SERINC1: variants seen among roughly 807,000 people sequenced by gnomAD.
SERINC1 encodes tumor differentially expressed protein 2.
SERINC1 carries 38 observed loss-of-function variants against 52.9 expected under a neutral mutation model. The ratio of observed to expected loss-of-function variants is 0.72; its 90% CI spans 0.55 to 0.94. The LOEUF (loss-of-function observed/expected upper bound fraction) is 0.94, where lower values mean the gene tolerates loss of function less well. Among genes scored for constraint, SERINC1 ranks in the 40% least tolerant of loss-of-function variants. The pLI is 0.00. For synonymous variants in SERINC1, 198 were observed against 183.1 expected, an observed-to-expected ratio of 1.08 and a Z score of -0.66; for missense variants, 471 against 533.9, an observed-to-expected ratio of 0.88 and a Z score of 1.16.
intron 1 of SERINC1, among the ~76,000 whole-genome samples, chr6:122,466,225 G>T (rs1775189116): frequency 6.6e-6 from 1 of 152,174 alleles, no homozygotes; most frequent in African/African-American, 2.4e-5. Context: ...TCCATCCCGG[G>T]CAACAAAGCA....
chr6:122,454,031 G>T, intron 4 of SERINC1, 120 bp downstream of exon 4: 1 of 1,196,878 alleles, frequency 8.4e-7, no homozygotes, highest in Non-Finnish European at 1.2e-6. Flanking sequence ...TTGCCAACTG[G>T]GGAAACACAC....
At chr6:122,465,566 A>G (rs1430475639) in intron 1 of SERINC1, among the ~76,000 whole-genome samples, 2 of 152,222 alleles carry the variant, frequency 1.3e-5, no homozygotes, top group African/African-American at 4.8e-5. Context: ...CCCTGGATCT[A>G]TCAATAGCCC....
chr6:122,471,496 C>T (rs1270055892), intron 1 of SERINC1, among the ~76,000 whole-genome samples: 1 of 152,192 alleles, frequency 6.6e-6, no homozygotes, highest in Non-Finnish European at 1.5e-5. Context: ...AACCTTACGG[C>T]CAGTGATCAG....
chr6:122,446,060 A>C (rs1774794810), intron 9 of SERINC1, among the ~76,000 whole-genome samples: 1 of 151,994 alleles, frequency 6.6e-6, no homozygotes, highest in African/African-American at 2.4e-5. Flanking sequence ...GCCGCCTTAC[A>C]ATTTGTTTAT....
chr6:122,454,791 A>G (rs1406958329), intron 3 of SERINC1, among the ~76,000 whole-genome samples: 2 of 152,000 alleles, frequency 1.3e-5, no homozygotes, highest in Non-Finnish European at 2.9e-5. Flanking sequence ...AAGGGAATAC[A>G]CAATGGGTAG....
chr6:122,456,504 A>T lies in SERINC1; in HGVS notation c.348T>A (p.Asp116Glu), dbSNP rs764168150. 6.9e-6 allele frequency: 11 copies of T among 1,602,078 alleles called. No homozygotes were observed. The South Asian group carries it at 1.1e-4, about 17-fold the overall frequency. The change falls in exon 3 of 10, where the codon GAT becomes GAA. Residue 116 changes from aspartate (D) to glutamate (E), a missense_variant. Physicochemically the swap from Asp to Glu is conservative, Grantham distance 45. Transcript: ENST00000339697. ...ACCCATTGTGCACTGCAGCTCTAGG[A>T]TCACTGCTACTCTTCACTTTGATCA... The part of the protein sequence containing the change: ...LLMIKVKSSS[D>E]PRAAVHNGFW...
chr6:122,451,355 A>G (rs1187713723), intron 7 of SERINC1, among the ~76,000 whole-genome samples: 1 of 152,190 alleles, frequency 6.6e-6, no homozygotes, highest in Admixed American at 6.5e-5. Flanking sequence ...ACAACAGACT[A>G]GTGTAAGATA....
At position 122,445,883 on chromosome 6, in the gene SERINC1, C is replaced by CAAAAAAAAAAAAAAAAAAAAA. The variant is rs71018202; in HGVS notation, c.1227-705_1227-704insTTTTTTTTTTTTTTTTTTTTT. 4.1e-4 allele frequency among the ~76,000 whole-genome samples: 26 copies of CAAAAAAAAAAAAAAAAAAAAA among 62,782 alleles called. 1 individual carries two copies. Among genetic ancestry groups the CAAAAAAAAAAAAAAAAAAAAA allele is most frequent in the Admixed American group, 7.5e-4 (3 of 3,998 alleles). The allele number at this position is 62,782 out of a possible 152,430, so 41.2% of individuals were successfully genotyped here. ...TGGGTGACAGAGCAAGACTCCATTT[C>CAAAAAAAAAAAAAAAAAAAAA]AAAAAAAAAAAAAAAAAGAACCAGC... On this transcript the variant is annotated intron_variant, in intron 9 of 9. Transcript: ENST00000339697.
chr6:122,450,407 A>C (rs1774884662), intron 7 of SERINC1, among the ~76,000 whole-genome samples: 1 of 152,240 alleles, frequency 6.6e-6, no homozygotes, highest in South Asian at 2.1e-4. Flanking sequence ...CTACTCAATG[A>C]CGATGCACCT....
At chr6:122,469,425 G>A (rs921315761) in intron 1 of SERINC1, among the ~76,000 whole-genome samples, 1 of 149,946 alleles carries the variant, frequency 6.7e-6, no homozygotes, top group African/African-American at 2.5e-5. Flanking sequence ...TGCCCAGGCT[G>A]GAGTGCAGTG....
At chr6:122,450,448 C>T (rs1477831835) in intron 7 of SERINC1, among the ~76,000 whole-genome samples, 1 of 152,162 alleles carries the variant, frequency 6.6e-6, no homozygotes, top group African/African-American at 2.4e-5. Flanking sequence ...TAGAGATGTA[C>T]AGGGAGATTA....
rs771200723 is a variant in SERINC1, at chr6:122,445,004, A to C, written c.*40T>G. On this transcript the variant is annotated 3_prime_UTR_variant, in exon 10 of 10. Transcript: ENST00000339697. ...AAGTTGGGAATACTGTTTTCAAATA[A>C]GCAATAATCAAAGTGGGACTTTCAT... 1 of 1,588,402 alleles carries C rather than the reference A, an allele frequency of 6.3e-7. No homozygotes were observed. Among genetic ancestry groups the C allele is most frequent in the Admixed American group, 1.8e-5 (1 of 56,110 alleles).
At chr6:122,450,402 C>T (rs1204392825) in intron 7 of SERINC1, among the ~76,000 whole-genome samples, 2 of 152,180 alleles carry the variant, frequency 1.3e-5, no homozygotes, top group African/African-American at 4.8e-5. Context: ...TATTACTACT[C>T]AATGACGATG....
chr6:122,445,315 TCTG>T, intron 9 of SERINC1, 136 bp from the exon 10 acceptor site: 1 of 810,836 alleles, frequency 1.2e-6, no homozygotes, highest in South Asian at 1.9e-5. Flanking sequence ...CTGCATCTAA[TCTG>T]CTCCCTTTCT....
At chr6:122,468,347 T>G (rs773818739) in intron 1 of SERINC1, among the ~76,000 whole-genome samples, 1 of 152,220 alleles carries the variant, frequency 6.6e-6, no homozygotes, top group Non-Finnish European at 1.5e-5. Flanking sequence ...ATCCTTGTCC[T>G]CTACCAACTA....
chr6:122,465,881 TAAAG>T (rs1775181218), intron 1 of SERINC1, among the ~76,000 whole-genome samples: 1 of 151,982 alleles, frequency 6.6e-6, no homozygotes, highest in African/African-American at 2.4e-5. Flanking sequence ...AAGATAAAAA[TAAAG>T]ATTTTTTTAA....
chr6:122,469,351 A>AC (rs1775235777), intron 1 of SERINC1, among the ~76,000 whole-genome samples: 1 of 150,606 alleles, frequency 6.6e-6, no homozygotes, highest in Non-Finnish European at 1.5e-5. Flanking sequence ...TTTGAATGTT[A>AC]CTTTTTTTTT....
rs367576878 is a variant in SERINC1, at chr6:122,447,629, G to GCACT, written c.851-368_851-365dup. On this transcript the variant is annotated intron_variant, in intron 7 of 9. Coordinates refer to ENST00000339697, the MANE Select transcript of SERINC1 (RefSeq NM_020755.4). ...AAATTCAGAGATTATAAACCACAAT[G>GCACT]CACTGGCTTTTCTATCATATGTTGA... Among the ~76,000 whole-genome samples the GCACT allele has an allele frequency of 6.5e-3, 996 of 152,218 alleles. 7 individuals carry two copies. The highest frequency in any genetic ancestry group is 0.022 in the African/African-American group (930 of 41,530).
rs138012541 is a variant in SERINC1, at chr6:122,449,814, C to T, written c.850+1850G>A. Among the ~76,000 whole-genome samples, 256 of 152,104 alleles carry T rather than the reference C, an allele frequency of 1.7e-3. 1 individual carries two copies. Among genetic ancestry groups the T allele is most frequent in the African/African-American group, 5.6e-3 (232 of 41,492 alleles). The stretch of plus-strand genomic sequence containing the variant: ...GGTGGATCACCTGAGGTCAGGAGTT[C>T]GAGAACAGCCTGGCTAACATGGTGA... On this transcript the variant is annotated intron_variant, in intron 7 of 9. Transcript: ENST00000339697.
Sources: allele counts gnomAD v4.1 joint callset (sites outside exome capture counted in the v4.1 genomes callset), GRCh38; gene constraint gnomAD v4.1.1; transcripts MANE v1.5; gene names NCBI Gene and HGNC (gene_info 2026-07-23, HGNC 2026-07-21).